OSBPL1A: variants seen among roughly 807,000 people sequenced by gnomAD.
OSBPL1A encodes the protein oxysterol-binding protein-related protein 1.
Under a neutral mutation model 137.1 loss-of-function variants are expected in OSBPL1A, and 80 were observed. The ratio of observed to expected loss-of-function variants is 0.58; its 90% CI spans 0.49 to 0.70. The LOEUF (loss-of-function observed/expected upper bound fraction) is 0.70, where lower values mean the gene tolerates loss of function less well. OSBPL1A is among the 30% of genes least tolerant of loss of function. The pLI is 0.00. For synonymous variants in OSBPL1A, 365 were observed against 389.7 expected (o/e 0.94, Z 0.75); for missense variants, 970 against 1,129.4 (o/e 0.86, Z 2.02).
chr18:24,289,558 T>C (rs937934178), intron 14 of OSBPL1A, among the ~76,000 whole-genome samples: 2 of 151,764 alleles, frequency 1.3e-5, no homozygotes, highest in African/African-American at 4.8e-5. Flanking sequence ...TAGCTGGGAT[T>C]ACAGGCACAC....
chr18:24,203,546 T>C (rs574442076), intron 17 of OSBPL1A, among the ~76,000 whole-genome samples: 2 of 152,240 alleles, frequency 1.3e-5, no homozygotes, highest in African/African-American at 4.8e-5. Context: ...TTTAGGCACA[T>C]GTACACGTAT....
At chr18:24,384,651 C>T (rs573917629) in intron 1 of OSBPL1A, among the ~76,000 whole-genome samples, 44 of 151,624 alleles carry the variant, frequency 2.9e-4, no homozygotes, top group African/African-American at 1.0e-3. Flanking sequence ...GGGCGGATCA[C>T]CTGAGGTCAG....
intron 4 of OSBPL1A, among the ~76,000 whole-genome samples, chr18:24,351,800 A>G (rs556217562): frequency 6.6e-6 from 1 of 152,218 alleles, no homozygotes; most frequent in East Asian, 1.9e-4. Flanking sequence ...TCAGCCTCAC[A>G]AATGGCTGGG....
intron 2 of OSBPL1A, among the ~76,000 whole-genome samples, chr18:24,373,435 C>T (rs1249464304): frequency 1.3e-5 from 2 of 152,206 alleles, no homozygotes; most frequent in South Asian, 2.1e-4. Flanking sequence ...TATGCATATA[C>T]GTATTAATAT....
chr18:24,222,505 C>A (rs538343011), intron 17 of OSBPL1A, among the ~76,000 whole-genome samples: 1 of 152,098 alleles, frequency 6.6e-6, no homozygotes, highest in Non-Finnish European at 1.5e-5. Flanking sequence ...ATTGCTCCCA[C>A]GGAATGTGGC....
intron 5 of OSBPL1A, among the ~76,000 whole-genome samples, chr18:24,337,433 T>C (rs1280830094): frequency 1.3e-5 from 1 of 75,262 alleles, no homozygotes; most frequent in Non-Finnish European, 2.7e-5. Flanking sequence ...AAGCCAGGCA[T>C]GGTGGTGCAT....
chr18:24,253,908 G>A (rs2089189609), intron 15 of OSBPL1A, among the ~76,000 whole-genome samples: 1 of 152,200 alleles, frequency 6.6e-6, no homozygotes, highest in African/African-American at 2.4e-5. Context: ...TTCTAATCTT[G>A]TAGCTAATTT....
In OSBPL1A at chr18:24,170,396, G is replaced by A. The variant is rs2086246907; in HGVS notation, c.2349C>T (p.Asp783=). The A allele has an allele frequency of 6.2e-7, 1 of 1,613,986 alleles. No individual in the cohort carries two copies. The highest frequency in any genetic ancestry group is 8.5e-7 in the Non-Finnish European group (1 of 1,180,006). ...TTTTGTAAGCGTCAAACGTGGCAGG[G>A]TCAACACTGTATAAACATTCAGTCC... ...GKWTECLYSV[D]PATFDAYKKN... The change falls in exon 24 of 28, where the codon GAC becomes GAT. Residue 783 remains aspartate (D), a synonymous_variant. Coordinates refer to ENST00000319481, the MANE Select transcript of OSBPL1A (RefSeq NM_080597.4).
At chr18:24,352,983 A>G (rs1017272440) in intron 4 of OSBPL1A, among the ~76,000 whole-genome samples, 1 of 152,184 alleles carries the variant, frequency 6.6e-6, no homozygotes, top group African/African-American at 2.4e-5. Flanking sequence ...AACCTAGGCA[A>G]TACCATTCAG....
chr18:24,332,095 G>T (rs1365201191), intron 7 of OSBPL1A, among the ~76,000 whole-genome samples: 1 of 152,054 alleles, frequency 6.6e-6, no homozygotes, highest in African/African-American at 2.4e-5. Flanking sequence ...GCCCCAAGCG[G>T]CCAGGCATGG....
chr18:24,375,434 C>T (rs187822143), intron 2 of OSBPL1A, among the ~76,000 whole-genome samples: 1 of 151,192 alleles, frequency 6.6e-6, no homozygotes, highest in Non-Finnish European at 1.5e-5. Flanking sequence ...TTTGAGAACA[C>T]GTTTTATTTC....
At chr18:24,204,774 A>G (rs544450588) in intron 17 of OSBPL1A, among the ~76,000 whole-genome samples, 1 of 152,078 alleles carries the variant, frequency 6.6e-6, no homozygotes, top group East Asian at 1.9e-4. Context: ...CTTTCTCCTA[A>G]GACAGAGGAG....
intron 18 of OSBPL1A, among the ~76,000 whole-genome samples, chr18:24,190,244 A>AT (rs946590462): frequency 1.4e-5 from 2 of 145,904 alleles, no homozygotes; most frequent in Non-Finnish European, 3.0e-5. Flanking sequence ...TTCCACATGC[A>AT]TTTTTTCCTA....
intron 7 of OSBPL1A, among the ~76,000 whole-genome samples, chr18:24,330,704 G>A (rs947270475): frequency 2.0e-5 from 3 of 151,068 alleles, no homozygotes; most frequent in African/African-American, 2.4e-5. Context: ...GATTACAGGC[G>A]TGAGCCACAG....
chr18:24,253,831 C>A (rs1029004145), intron 15 of OSBPL1A, among the ~76,000 whole-genome samples: 1 of 152,148 alleles, frequency 6.6e-6, no homozygotes, highest in Non-Finnish European at 1.5e-5. Context: ...CTGATGTTAT[C>A]CCCAGGAGGA....
chr18:24,232,457 C>A (rs1448631971), intron 16 of OSBPL1A, among the ~76,000 whole-genome samples: 1 of 152,176 alleles, frequency 6.6e-6, no homozygotes, highest in Non-Finnish European at 1.5e-5. Flanking sequence ...AGTACCGGCT[C>A]ATCCCCAAGC....
At chr18:24,266,438 G>A (rs1233035828) in intron 15 of OSBPL1A, among the ~76,000 whole-genome samples, 1 of 152,116 alleles carries the variant, frequency 6.6e-6, no homozygotes, top group South Asian at 2.1e-4. Flanking sequence ...TCCTCAAAGT[G>A]TAGGAGAGAG....
chr18:24,292,605 C>T (rs775356934), intron 14 of OSBPL1A, among the ~76,000 whole-genome samples: 1 of 152,066 alleles, frequency 6.6e-6, no homozygotes, highest in Non-Finnish European at 1.5e-5. Flanking sequence ...CAAAGATAAT[C>T]GGCAAACAGG....
At chr18:24,286,293 C>T (rs748210954) in intron 14 of OSBPL1A, among the ~76,000 whole-genome samples, 34 of 152,158 alleles carry the variant, frequency 2.2e-4, no homozygotes, top group Non-Finnish European at 4.6e-4. Context: ...AAAAACTACT[C>T]CATAAAACTA....
Sources: gnomAD v4.1 joint callset for allele counts (sites outside exome capture counted in the v4.1 genomes callset) on GRCh38, gnomAD v4.1.1 for gene constraint, MANE v1.5 for transcripts, NCBI Gene and HGNC (gene_info 2026-07-23, HGNC 2026-07-21) for gene names.